The following LOC128462377 variants were observed in gnomAD, a reference collection of about 807,000 sequenced individuals.
chr16:89,361,070 T>G, the LOC128462377 span, among the ~76,000 whole-genome samples: 1 of 152,204 alleles, frequency 6.6e-6, no homozygotes, highest in African/African-American at 2.4e-5. Context: ...CCCCAGCCCC[T>G]GCTGCAATGG....
At chr16:89,402,732 T>G in the LOC128462377 span, among the ~76,000 whole-genome samples, 1 of 93,934 alleles carries the variant, frequency 1.1e-5, no homozygotes, top group Non-Finnish European at 2.1e-5. Flanking sequence ...AGGGGCTCTG[T>G]GGGGTGAGAT....
the LOC128462377 span, among the ~76,000 whole-genome samples, chr16:89,414,310 T>C: frequency 6.6e-6 from 1 of 152,082 alleles, no homozygotes; most frequent in African/African-American, 2.4e-5. Context: ...AATTTGAAAG[T>C]CCCATTTCAC....
chr16:89,350,560 A>G, the LOC128462377 span, among the ~76,000 whole-genome samples: 1 of 152,234 alleles, frequency 6.6e-6, no homozygotes, highest in Non-Finnish European at 1.5e-5. Context: ...TCCACACTCA[A>G]TGATTCCATT....
chr16:89,360,678 T>C, the LOC128462377 span: 1 of 152,172 alleles, frequency 6.6e-6, no homozygotes, highest in African/African-American at 2.4e-5. Flanking sequence ...TGGTCAACAC[T>C]AGGCAGCTTC....
the LOC128462377 span, among the ~76,000 whole-genome samples, chr16:89,320,842 C>G: frequency 6.6e-6 from 1 of 152,274 alleles, no homozygotes; most frequent in Non-Finnish European, 1.5e-5. Context: ...CCTCTCCACA[C>G]TGCGAGAGCC....
the LOC128462377 span, among the ~76,000 whole-genome samples, chr16:89,413,029 G>T: frequency 6.6e-6 from 1 of 152,136 alleles, no homozygotes; most frequent in East Asian, 1.9e-4. Context: ...CCCTCCCCCA[G>T]GCCCTGGGAC....
the LOC128462377 span, among the ~76,000 whole-genome samples, chr16:89,349,683 T>A: frequency 6.6e-6 from 1 of 152,134 alleles, no homozygotes; most frequent in Non-Finnish European, 1.5e-5. Context: ...GACTGAAAAC[T>A]ATGTATCTTG....
At chr16:89,352,088 A>G in the LOC128462377 span, among the ~76,000 whole-genome samples, 1 of 151,366 alleles carries the variant, frequency 6.6e-6, no homozygotes, top group East Asian at 2.0e-4. Context: ...CGGGGGTTTC[A>G]ACATGTTGGT....
the LOC128462377 span, among the ~76,000 whole-genome samples, chr16:89,361,118 T>C: frequency 1.3e-5 from 2 of 152,176 alleles, no homozygotes; most frequent in African/African-American, 4.8e-5. Context: ...GTCAACCCAA[T>C]TACAGACACC....
At chr16:89,370,077 G>A in the LOC128462377 span, among the ~76,000 whole-genome samples, 8 of 152,340 alleles carry the variant, frequency 5.3e-5, no homozygotes, top group East Asian at 7.7e-4. Flanking sequence ...CTCTCACTGA[G>A]GAAGAATCTC....
the LOC128462377 span, among the ~76,000 whole-genome samples, chr16:89,392,945 TAC>T: frequency 6.6e-6 from 1 of 152,010 alleles, no homozygotes; most frequent in Non-Finnish European, 1.5e-5. Flanking sequence ...GTGAGTGATC[TAC>T]AGTCACCAAG....
At chr16:89,368,377 T>G in the LOC128462377 span, among the ~76,000 whole-genome samples, 10 of 126,910 alleles carry the variant, frequency 7.9e-5, no homozygotes, top group South Asian at 8.1e-4. Flanking sequence ...TTGTGTTTTT[T>G]TTTTTTTTTT....
the LOC128462377 span, among the ~76,000 whole-genome samples, chr16:89,330,426 G>A: frequency 2.0e-5 from 3 of 152,094 alleles, no homozygotes; most frequent in Non-Finnish European, 2.9e-5. Context: ...GGCTGCTGCT[G>A]GCTCTGGCAG....
At chr16:89,402,826 C>T in the LOC128462377 span, among the ~76,000 whole-genome samples, 3 of 72,498 alleles carry the variant, frequency 4.1e-5, no homozygotes, top group African/African-American at 5.7e-5. Flanking sequence ...GTTGGGGGGG[C>T]GGCACTGCGG....
chr16:89,414,094 G>A, the LOC128462377 span, among the ~76,000 whole-genome samples: 11 of 152,294 alleles, frequency 7.2e-5, no homozygotes, highest in South Asian at 1.9e-3. Context: ...CTCGGACTGC[G>A]CACTCGGGGA....
At chr16:89,357,299 G>C in the LOC128462377 span, among the ~76,000 whole-genome samples, 1 of 152,184 alleles carries the variant, frequency 6.6e-6, no homozygotes, top group African/African-American at 2.4e-5. Context: ...AGGGCAGTCA[G>C]GGACTGTGCT....
At chr16:89,364,009 A>G in the LOC128462377 span, among the ~76,000 whole-genome samples, 2 of 151,768 alleles carry the variant, frequency 1.3e-5, no homozygotes, top group Non-Finnish European at 2.9e-5. Context: ...GTGGTGAGCT[A>G]TCATTGTGCC....
chr16:89,348,358 C>T, the LOC128462377 span, among the ~76,000 whole-genome samples: 1 of 152,134 alleles, frequency 6.6e-6, no homozygotes, highest in Non-Finnish European at 1.5e-5. Flanking sequence ...AGATAAACCC[C>T]GCTTGCTCAT....
the LOC128462377 span, among the ~76,000 whole-genome samples, chr16:89,329,806 C>T: frequency 6.6e-6 from 1 of 151,982 alleles, no homozygotes; most frequent in East Asian, 1.9e-4. Context: ...GTCAGGAGTT[C>T]GAAACCAGCC....
Sources: allele counts gnomAD v4.1 joint callset (sites outside exome capture counted in the v4.1 genomes callset), GRCh38; gene constraint gnomAD v4.1.1; transcripts MANE v1.5.